Variants in CDH13 observed in about 807,000 individuals in gnomAD.
The protein encoded by CDH13 is cadherin-13.
A neutral mutation model predicts 63.8 loss-of-function variants in CDH13; 24 were observed. The observed-to-expected ratio is 0.38, with a 90% CI of 0.27 to 0.53. The LOEUF is 0.53. CDH13 is among the 20% of genes least tolerant of loss of function. The pLI, the probability that CDH13 is intolerant of heterozygous loss-of-function variation, is 0.85. For synonymous variants in CDH13, 503 were observed against 355.3 expected (o/e 1.42, Z -4.67); for missense variants, 1,049 against 903.1 (o/e 1.16, Z -2.07).
At chr16:83,319,292 C>G (rs1221576265) in intron 5 of CDH13, among the ~76,000 whole-genome samples, 1 of 152,146 alleles carries the variant, frequency 6.6e-6, no homozygotes, top group Non-Finnish European at 1.5e-5. Flanking sequence ...CTCTAGGATT[C>G]TCTTTGGCAT....
chr16:82,993,998 CT>C (rs1236493136), intron 2 of CDH13, among the ~76,000 whole-genome samples: 1 of 152,158 alleles, frequency 6.6e-6, no homozygotes, highest in Non-Finnish European at 1.5e-5. Flanking sequence ...CATTATATCC[CT>C]TTTCAGGAAC....
chr16:82,920,086 A>G (rs982128443), intron 2 of CDH13, among the ~76,000 whole-genome samples: 1 of 152,204 alleles, frequency 6.6e-6, no homozygotes, highest in African/African-American at 2.4e-5. Flanking sequence ...GGCTGAAGCA[A>G]AAGAACACTG....
intron 1 of CDH13, among the ~76,000 whole-genome samples, chr16:82,846,499 G>T (rs2039262898): frequency 6.6e-6 from 1 of 152,158 alleles, no homozygotes; most frequent in Non-Finnish European, 1.5e-5. Flanking sequence ...ATTATTAGTT[G>T]TGTTTTGCAG....
chr16:83,052,549 G>A (rs1378103389), intron 3 of CDH13, among the ~76,000 whole-genome samples: 1 of 152,124 alleles, frequency 6.6e-6, no homozygotes, highest in Non-Finnish European at 1.5e-5. Flanking sequence ...GGAGGCCAAG[G>A]CGGGCAGATC....
intron 7 of CDH13, among the ~76,000 whole-genome samples, chr16:83,561,937 A>G (rs1308358069): frequency 6.6e-6 from 1 of 152,198 alleles, no homozygotes; most frequent in African/African-American, 2.4e-5. Flanking sequence ...GAGGTGAATG[A>G]TAAAAATGGT....
intron 3 of CDH13, among the ~76,000 whole-genome samples, chr16:83,115,543 G>T (rs572167811): frequency 1.3e-5 from 2 of 152,190 alleles, no homozygotes; most frequent in Admixed American, 6.5e-5. Flanking sequence ...ACATCTTTGC[G>T]TGAAGCCTGC....
At chr16:82,764,524 A>G (rs2034976831) in intron 1 of CDH13, among the ~76,000 whole-genome samples, 1 of 152,186 alleles carries the variant, frequency 6.6e-6, no homozygotes, top group Non-Finnish European at 1.5e-5. Context: ...TTTGAGATCT[A>G]ATATACAGCC....
intron 7 of CDH13, among the ~76,000 whole-genome samples, chr16:83,575,412 A>G (rs182252786): frequency 7.9e-5 from 12 of 152,326 alleles, no homozygotes; most frequent in Admixed American, 7.2e-4. Flanking sequence ...TGGTTAAATC[A>G]CCACCGCAGG....
intron 1 of CDH13, among the ~76,000 whole-genome samples, chr16:82,670,898 C>T (rs1913161887): frequency 6.6e-6 from 1 of 152,198 alleles, no homozygotes; most frequent in Non-Finnish European, 1.5e-5. Flanking sequence ...GTCACTGTTC[C>T]TCCTCCTGGA....
intron 10 of CDH13, among the ~76,000 whole-genome samples, chr16:83,736,589 G>A (rs1391248896): frequency 6.6e-6 from 1 of 151,876 alleles, no homozygotes; most frequent in East Asian, 1.9e-4. Flanking sequence ...ATAAAGTTGT[G>A]AAGACGTTGT....
intron 2 of CDH13, among the ~76,000 whole-genome samples, chr16:82,895,148 C>G (rs961390702): frequency 2.0e-5 from 3 of 152,144 alleles, no homozygotes; most frequent in Admixed American, 6.5e-5. Flanking sequence ...CTACCTAGTT[C>G]AAAACATTTT....
At chr16:82,934,737 A>G (rs1314533802) in intron 2 of CDH13, among the ~76,000 whole-genome samples, 3 of 152,184 alleles carry the variant, frequency 2.0e-5, no homozygotes, top group African/African-American at 7.2e-5. Context: ...GGCAAGGGCA[A>G]GGGCAAAATG....
intron 4 of CDH13, among the ~76,000 whole-genome samples, chr16:83,215,267 C>T (rs943498465): frequency 2.0e-5 from 3 of 151,326 alleles, no homozygotes. Flanking sequence ...TTTGTAGAGA[C>T]GGAGTTTCAC....
At chr16:83,527,825 C>T (rs1032806642) in intron 7 of CDH13, among the ~76,000 whole-genome samples, 1 of 152,190 alleles carries the variant, frequency 6.6e-6, no homozygotes, top group Non-Finnish European at 1.5e-5. Context: ...CTTTTGAGAT[C>T]ACTGGTATCC....
chr16:83,706,928 C>G (rs1907158092), intron 10 of CDH13, among the ~76,000 whole-genome samples: 2 of 87,392 alleles, frequency 2.3e-5, no homozygotes, highest in African/African-American at 5.0e-5. Flanking sequence ...TTGAGTCGGA[C>G]TCACTTCATC....
At chr16:82,972,093 T>C (rs970820421) in intron 2 of CDH13, among the ~76,000 whole-genome samples, 8 of 152,180 alleles carry the variant, frequency 5.3e-5, no homozygotes, top group African/African-American at 1.9e-4. Context: ...TCTACCCAAG[T>C]GAAGCAGTGT....
chr16:82,734,044 C>T (rs1349214746), intron 1 of CDH13, among the ~76,000 whole-genome samples: 1 of 151,782 alleles, frequency 6.6e-6, no homozygotes, highest in African/African-American at 2.4e-5. Flanking sequence ...GGGAAGAGAA[C>T]TAATATTGGA....
intron 7 of CDH13, among the ~76,000 whole-genome samples, chr16:83,578,238 C>T (rs1905227602): frequency 6.6e-6 from 1 of 152,130 alleles, no homozygotes; most frequent in African/African-American, 2.4e-5. Flanking sequence ...AGTGTCTAGT[C>T]ATTCTTGACT....
rs1555509488 is a variant in CDH13, at chr16:83,184,906, T to TGC, written c.484-32437_484-32436dup. On this transcript the variant is annotated intron_variant, in intron 4 of 13. Coordinates refer to ENST00000567109, the MANE Select transcript of CDH13 (RefSeq NM_001257.5). ...CCGTGTGTGTGTGTGTGTGTGTGTG[T>TGC]GCGTGTGTGTGTGTAGTAGCAGCTT... Among the ~76,000 whole-genome samples, 308 of 144,976 alleles carry TGC rather than the reference T, an allele frequency of 2.1e-3. 3 individuals are homozygous for TGC. The highest frequency in any genetic ancestry group is 3.1e-3 in the Admixed American group (42 of 13,494).
Sources: allele counts gnomAD v4.1 joint callset (sites outside exome capture counted in the v4.1 genomes callset), GRCh38; gene constraint gnomAD v4.1.1; transcripts MANE v1.5; gene names NCBI Gene and HGNC (gene_info 2026-07-23, HGNC 2026-07-21).